Variants in ARSB observed in about 807,000 individuals in gnomAD.
ARSB encodes arylsulfatase B, also known as N-acetylgalactosamine-4-sulfatase.
A neutral mutation model predicts 50.9 loss-of-function variants in ARSB; 41 were observed. That is an observed-to-expected ratio of 0.81 (90% CI 0.63 to 1.04). The LOEUF (loss-of-function observed/expected upper bound fraction) is 1.04, where lower values mean the gene tolerates loss of function less well. Among genes scored for constraint, ARSB ranks in the 50% least tolerant of loss-of-function variants. The probability of loss-of-function intolerance (pLI) is 0.00; values close to 1 mark genes in which losing one functional copy is unlikely to be tolerated. For synonymous variants in ARSB, 269 were observed against 284.8 expected, an observed-to-expected ratio of 0.94 and a Z score of 0.56; for missense variants, 672 against 693.3, an observed-to-expected ratio of 0.97 and a Z score of 0.35.
In ARSB at chr5:78,781,843, G is replaced by A; in HGVS notation, c.1336+9C>T. ...CGGGAAGGGAAGTTTGCTAAGCTAA[G>A]GACTCTACCTGGGTAGCCCGTGAGG... On this transcript the variant is annotated intron_variant, in intron 7 of 7. Transcript: ENST00000264914. 6.2e-7 allele frequency: 1 copy of A among 1,614,054 alleles called. No individual in the cohort carries two copies. The highest frequency in any genetic ancestry group is 8.5e-7 in the Non-Finnish European group (1 of 1,179,932).
At chr5:78,785,209 T>C (rs757855282) in intron 6 of ARSB, among the ~76,000 whole-genome samples, 4 of 151,982 alleles carry the variant, frequency 2.6e-5, no homozygotes, top group Non-Finnish European at 4.4e-5. Context: ...TCCCTCCTTT[T>C]ATTTTCTTTG....
At chr5:78,855,221 A>G (rs1304155625) in intron 5 of ARSB, among the ~76,000 whole-genome samples, 1 of 152,176 alleles carries the variant, frequency 6.6e-6, no homozygotes, top group Non-Finnish European at 1.5e-5. Context: ...AATTCCCCAG[A>G]GGGTGATGTG....
At chr5:78,914,153 C>G (rs544987658) in intron 4 of ARSB, among the ~76,000 whole-genome samples, 31 of 151,930 alleles carry the variant, frequency 2.0e-4, no homozygotes, top group African/African-American at 7.5e-4. Context: ...TTTTTCGAGA[C>G]AGGGTCTCAC....
intron 6 of ARSB, among the ~76,000 whole-genome samples, chr5:78,813,884 GA>G (rs1298818963): frequency 3.3e-5 from 5 of 152,050 alleles, no homozygotes; most frequent in Non-Finnish European, 7.4e-5. Context: ...ATTTTCTTCT[GA>G]TTTTTTAAAC....
At chr5:78,851,457 G>A (rs1291648121) in intron 5 of ARSB, among the ~76,000 whole-genome samples, 3 of 152,114 alleles carry the variant, frequency 2.0e-5, no homozygotes, top group Non-Finnish European at 4.4e-5. Context: ...TATTACATTT[G>A]CTGAGGAGTG....
chr5:78,917,429 A>AT (rs202042220), intron 4 of ARSB, among the ~76,000 whole-genome samples: 29 of 150,876 alleles, frequency 1.9e-4, no homozygotes, highest in East Asian at 3.9e-4. Context: ...ATCTGAAGTC[A>AT]TTTTTTTTTC....
rs576181831 is a variant in ARSB, at chr5:78,778,517, C to T, written c.*1880G>A. The T allele has an allele frequency of 1.3e-5, 2 of 152,280 alleles. No individual in the cohort carries two copies. Among genetic ancestry groups the T allele is most frequent in the Admixed American group, 1.3e-4 (2 of 15,298 alleles). 9.4% of individuals were successfully genotyped at this position (152,280 alleles called of 1,614,324 possible). ...TTGGTAGGCACAGTTCCTTTTCTCC[C>T]CCCACTGGAGAGGACGCTACAACCT... On this transcript the variant is annotated 3_prime_UTR_variant, in exon 8 of 8. Coordinates refer to ENST00000264914, the MANE Select transcript of ARSB (RefSeq NM_000046.5).
chr5:78,806,194 G>A (rs58989748), intron 6 of ARSB, among the ~76,000 whole-genome samples: 1,563 of 152,212 alleles, frequency 0.01, 31 homozygotes, highest in African/African-American at 0.036. Flanking sequence ...GGAACTAAAG[G>A]GATGACAATA....
Position 78,780,251 on chromosome 5 carries a change from G to A in ARSB, c.*146C>T. ...TTTATCAGCTTCTTAAATGCATTAG[G>A]GGTTGAAATTAGACACCTCGGTGTG... is the stretch of plus-strand genomic sequence containing the variant. On this transcript the variant is annotated 3_prime_UTR_variant, in exon 8 of 8. Transcript: ENST00000264914. 9.8e-7 allele frequency: 1 copy of A among 1,016,834 alleles called. No individual in the cohort carries two copies. The highest frequency in any genetic ancestry group is 1.4e-5 in the South Asian group (1 of 71,340). 63.0% of individuals were successfully genotyped at this position (1,016,834 alleles called of 1,614,324 possible).
At chr5:78,977,200 C>T (rs1752707555) in intron 1 of ARSB, among the ~76,000 whole-genome samples, 1 of 146,134 alleles carries the variant, frequency 6.8e-6, no homozygotes, top group South Asian at 2.1e-4. Flanking sequence ...GTTGCTCAGG[C>T]TGGAGTGCAG....
chr5:78,882,987 T>A (rs938975430), intron 5 of ARSB: 1 of 152,030 alleles, frequency 6.6e-6, no homozygotes, highest in African/African-American at 2.4e-5. Context: ...TTTCACCATG[T>A]TGGCCAGGCT....
chr5:78,946,341 A>T (rs1358026589), intron 4 of ARSB, among the ~76,000 whole-genome samples: 1 of 152,250 alleles, frequency 6.6e-6, no homozygotes, highest in Non-Finnish European at 1.5e-5. Flanking sequence ...TACATTTGGA[A>T]AAACCTATAG....
Position 78,985,016 on chromosome 5 carries a change from C to G in ARSB, c.233G>C (p.Gly78Ala), listed in dbSNP as rs776688441. 3 of 1,539,704 alleles carry G rather than the reference C, an allele frequency of 1.9e-6. No individual in the cohort carries two copies. The South Asian group carries it at 3.6e-5, about 19-fold the overall frequency. ...GTAGTAGTTGTCCAGGAGCACCCCG[C>G]CGGCCGCCAGCGCGTCCAGGTGCGG... The part of the protein sequence containing the change: ...RTPHLDALAA[G>A]GVLLDNYYTQ... The change falls in exon 1 of 8, where the codon GGC becomes GCC. Residue 78 changes from glycine to alanine, a missense_variant. Gly to Ala is a moderately conservative substitution (Grantham distance 60). Transcript: ENST00000264914.
rs780380678 is a variant in ARSB at position 78,885,693 on chromosome 5, G to A, written c.1033C>T (p.Arg345Trp). 1.6e-5 allele frequency: 26 copies of A among 1,613,858 alleles called. No individual in the cohort carries two copies. The highest frequency in any genetic ancestry group is 2.0e-5 in the Non-Finnish European group (24 of 1,180,022). ...PLLKQKGVKN[R>W]ELIHISDWLP... ...CAGTCAGAGATGTGGATGAGCTCCC[G>A]GTTCTTCACGCCCTTCTGCTTCAGC... is the stretch of plus-strand genomic sequence containing the variant. The change falls in exon 5 of 8, where the codon CGG becomes TGG. Residue 345 changes from arginine to tryptophan, a missense_variant. By Grantham distance (101) the Arg-to-Trp change is moderately radical (BLOSUM62 -3). Coordinates refer to ENST00000264914, the MANE Select transcript of ARSB (RefSeq NM_000046.5).
In ARSB at chr5:78,860,048, T is replaced by A. The variant is rs185037300; in HGVS notation, c.1143-20622A>T. 3.9e-5 allele frequency among the ~76,000 whole-genome samples: 6 copies of A among 152,298 alleles called. No individual in the cohort carries two copies. The East Asian group carries it at 9.7e-4, about 25-fold the overall frequency. On this transcript the variant is annotated intron_variant, in intron 5 of 7. Coordinates refer to ENST00000264914, the MANE Select transcript of ARSB (RefSeq NM_000046.5). ...AAAAACATAGATACTTCCAACTATG[T>A]TGTCAATTTTGGAATAAGTGCAACG...
chr5:78,964,343 C>A, intron 3 of ARSB, 73 bp downstream of exon 3: 6 of 1,453,870 alleles, frequency 4.1e-6, no homozygotes, highest in Non-Finnish European at 5.8e-6. Flanking sequence ...CAACAATGGC[C>A]TTTTCCTACA....
rs11742860 is a variant in ARSB at position 78,933,110 on chromosome 5, T to C, written c.898+22185A>G. Among the ~76,000 whole-genome samples, 655 of 152,344 alleles carry C rather than the reference T, an allele frequency of 4.3e-3. 8 individuals are homozygous for C. The highest frequency in any genetic ancestry group is 5.5e-3 in the Non-Finnish European group (376 of 68,028). ...GAAAGCAGAACCTGGAACTTTTATA[T>C]GTGCGTAAACACAGAGGTGACACTG... On this transcript the variant is annotated intron_variant, in intron 4 of 7. Coordinates refer to ENST00000264914, the MANE Select transcript of ARSB (RefSeq NM_000046.5).
intron 3 of ARSB, among the ~76,000 whole-genome samples, chr5:78,961,620 C>T (rs978961175): frequency 2.0e-5 from 3 of 152,154 alleles, no homozygotes; most frequent in African/African-American, 7.2e-5. Flanking sequence ...CCAGTTGCTT[C>T]CTCTTATCTG....
At chr5:78,968,052 A>T (rs1382228569) in intron 2 of ARSB, among the ~76,000 whole-genome samples, 1 of 152,166 alleles carries the variant, frequency 6.6e-6, no homozygotes, top group Non-Finnish European at 1.5e-5. Context: ...TTAGTTTCAT[A>T]GGGCTATCAA....
Sources: gnomAD v4.1 joint callset for allele counts (sites outside exome capture counted in the v4.1 genomes callset) on GRCh38, gnomAD v4.1.1 for gene constraint, MANE v1.5 for transcripts, NCBI Gene and HGNC (gene_info 2026-07-23, HGNC 2026-07-21) for gene names.